Variants in COLQ observed in about 807,000 individuals in gnomAD.
COLQ encodes collagen like tail subunit of asymmetric acetylcholinesterase.
Under a neutral mutation model 69.0 loss-of-function variants are expected in COLQ, and 48 were observed. That is an observed-to-expected ratio of 0.70 (90% CI 0.55 to 0.88). The LOEUF (loss-of-function observed/expected upper bound fraction) is 0.88, where lower values mean the gene tolerates loss of function less well. COLQ is among the 40% of genes least tolerant of loss of function. The pLI is 0.00. For synonymous variants in COLQ, 217 were observed against 211.2 expected, an observed-to-expected ratio of 1.03 and a Z score of -0.24; for missense variants, 618 against 594.6, an observed-to-expected ratio of 1.04 and a Z score of -0.41.
intron 12 of COLQ, among the ~76,000 whole-genome samples, chr3:15,464,192 C>T (rs1049481118): frequency 6.6e-6 from 1 of 152,000 alleles, no homozygotes; most frequent in Non-Finnish European, 1.5e-5. Flanking sequence ...GGAGAGGGAC[C>T]CCTTGTATCC....
chr3:15,472,868 C>A (rs550550100), intron 10 of COLQ, among the ~76,000 whole-genome samples: 5 of 150,346 alleles, frequency 3.3e-5, no homozygotes, highest in African/African-American at 1.2e-4. Context: ...CTTTTCTTTT[C>A]TTTTTTTTCA....
intron 3 of COLQ, among the ~76,000 whole-genome samples, chr3:15,483,368 C>A (rs1376645742): frequency 6.6e-6 from 1 of 152,176 alleles, no homozygotes; most frequent in African/African-American, 2.4e-5. Flanking sequence ...AAATTTCCCC[C>A]TACACACTGC....
At chr3:15,455,772 G>C in intron 15 of COLQ, 127 bp downstream of exon 15, 2 of 1,272,688 alleles carry the variant, frequency 1.6e-6, no homozygotes, top group Non-Finnish European at 1.1e-6. Flanking sequence ...GCACAAGGTG[G>C]CCTGGGTATA....
At chr3:15,492,388 C>T (rs568924946) in intron 1 of COLQ, among the ~76,000 whole-genome samples, 96 of 152,252 alleles carry the variant, frequency 6.3e-4, no homozygotes, top group African/African-American at 2.3e-3. Flanking sequence ...TGCATAAGGC[C>T]GGGCACAGTG....
At chr3:15,488,051 G>A (rs903595835) in intron 3 of COLQ, among the ~76,000 whole-genome samples, 155 bp downstream of exon 3, 1 of 152,226 alleles carries the variant, frequency 6.6e-6, no homozygotes, top group Non-Finnish European at 1.5e-5. Flanking sequence ...AAGAGTCAGT[G>A]TTCTATCCAA....
chr3:15,455,284 C>A (rs555955460), intron 15 of COLQ, among the ~76,000 whole-genome samples: 1 of 152,214 alleles, frequency 6.6e-6, no homozygotes, highest in East Asian at 1.9e-4. Flanking sequence ...TTTCTCAGGG[C>A]CTGCATTCAA....
chr3:15,494,202 G>A (rs1371243637), intron 1 of COLQ, among the ~76,000 whole-genome samples: 4 of 152,194 alleles, frequency 2.6e-5, no homozygotes, highest in African/African-American at 7.2e-5. Flanking sequence ...AACCACGGCA[G>A]GTGCAGGGTA....
intron 1 of COLQ, among the ~76,000 whole-genome samples, chr3:15,505,211 C>T (rs896341272): frequency 1.3e-5 from 2 of 152,146 alleles, no homozygotes; most frequent in African/African-American, 2.4e-5. Flanking sequence ...AACCTGAAGC[C>T]GCTCATTGAG....
intron 1 of COLQ, among the ~76,000 whole-genome samples, chr3:15,494,041 C>T (rs909764435): frequency 6.6e-6 from 1 of 152,180 alleles, no homozygotes; most frequent in African/African-American, 2.4e-5. Flanking sequence ...CGAGATTGTG[C>T]CATTGCACTG....
chr3:15,465,586 T>C (rs1206193951), intron 12 of COLQ, among the ~76,000 whole-genome samples: 1 of 147,478 alleles, frequency 6.8e-6, no homozygotes, highest in Non-Finnish European at 1.5e-5. Flanking sequence ...TTTTTTATTT[T>C]ATTTTAGTAA....
chr3:15,498,505 A>G lies in COLQ; in HGVS notation c.107-8868T>C, dbSNP rs544551673. The stretch of plus-strand genomic sequence containing the variant: ...CACACACGTGCACACACGCACACAC[A>G]ACTCACCCAAGCAGCCTGCCGAGTA... On this transcript the variant is annotated intron_variant, in intron 1 of 16. Transcript: ENST00000383788. The G allele has an allele frequency of 1.2e-5, 19 of 1,551,492 alleles. No homozygotes were observed. The South Asian group carries it at 2.3e-4, about 18-fold the overall frequency.
At chr3:15,483,212 A>T (rs1020508627) in intron 3 of COLQ, among the ~76,000 whole-genome samples, 13 of 152,056 alleles carry the variant, frequency 8.5e-5, no homozygotes, top group Admixed American at 2.0e-4. Context: ...CTCTATCTCC[A>T]TCAGTTCTGC....
intron 6 of COLQ, among the ~76,000 whole-genome samples, chr3:15,476,420 G>A (rs967273224): frequency 3.3e-5 from 5 of 152,204 alleles, no homozygotes; most frequent in Non-Finnish European, 7.3e-5. Context: ...TGCTGTGCAG[G>A]ACAGCTCAGC....
rs1205006743 is a variant in COLQ, at chr3:15,479,124, A to ACGG, written c.367-124_367-122dup. Reference sequence around the variant, plus strand: ...TGGCTCAGTTGCTTGGCTGCTGCTCACGGCCCCTCTGCCATGTCGATAGGC... The same window carrying ACGG: ...TGGCTCAGTTGCTTGGCTGCTGCTCACGGCGGCCCCTCTGCCATGTCGATAGGC... On this transcript the variant is annotated intron_variant, in intron 4 of 16. Transcript: ENST00000383788. 4 of 1,311,376 alleles carry ACGG rather than the reference A, an allele frequency of 3.1e-6. No individual in the cohort carries two copies. In the East Asian group the frequency reaches 9.2e-5, roughly 30 times the overall value. 81.2% of individuals were successfully genotyped at this position (1,311,376 alleles called of 1,614,324 possible). A position where few individuals can be genotyped will look rare whatever the true frequency, so the allele number is the denominator to read the frequency against.
At chr3:15,475,209 T>G in intron 7 of COLQ, 1 of 653,494 alleles carries the variant, frequency 1.5e-6, no homozygotes, top group Non-Finnish European at 2.7e-6. Context: ...AGAAGCTTGG[T>G]TCTTCCTGCC....
chr3:15,497,749 C>A (rs1364521817), intron 1 of COLQ, among the ~76,000 whole-genome samples: 1 of 152,300 alleles, frequency 6.6e-6, no homozygotes, highest in Non-Finnish European at 1.5e-5. Context: ...CGCTGTATGG[C>A]AGCTCAGAGT....
intron 3 of COLQ, among the ~76,000 whole-genome samples, chr3:15,481,369 T>C (rs1438314448): frequency 2.0e-5 from 3 of 152,238 alleles, no homozygotes; most frequent in Non-Finnish European, 4.4e-5. Context: ...CCATCTTGAA[T>C]TAATAAGGTA....
chr3:15,479,355 C>G lies in COLQ; in HGVS notation c.349G>C (p.Gly117Arg). ...QGPPGLPGKT[G>R]PKGEKGELGR... ...GTCCATACCTTTTCTCCCTTTGGTCCTGTCTTGCCAGGAAGCCCCGGTGGA... is the reference window on the plus strand; with the variant it reads ...GTCCATACCTTTTCTCCCTTTGGTCGTGTCTTGCCAGGAAGCCCCGGTGGA... Residue 117 changes from glycine to arginine, a missense_variant, in exon 4 of 17, where the codon GGA (glycine) becomes CGA (arginine). Gly to Arg is a moderately radical substitution (Grantham distance 125, BLOSUM62 -2). Transcript: ENST00000383788. 1 of 1,614,140 alleles carries G rather than the reference C, an allele frequency of 6.2e-7. No homozygotes were observed. Among genetic ancestry groups the G allele is most frequent in the Non-Finnish European group, 8.5e-7 (1 of 1,179,988 alleles).
chr3:15,483,121 C>T (rs1308426654), intron 3 of COLQ, among the ~76,000 whole-genome samples: 3 of 152,046 alleles, frequency 2.0e-5, no homozygotes, highest in Non-Finnish European at 4.4e-5. Flanking sequence ...ATTAGTCTTG[C>T]TAGCGGTCTA....
Sources: allele counts gnomAD v4.1 joint callset (sites outside exome capture counted in the v4.1 genomes callset), GRCh38; gene constraint gnomAD v4.1.1; transcripts MANE v1.5; gene names NCBI Gene and HGNC (gene_info 2026-07-23, HGNC 2026-07-21).